Variants in CAB39L observed in about 807,000 individuals in gnomAD.
CAB39L encodes the protein calcium binding protein 39 like.
A neutral mutation model predicts 39.1 loss-of-function variants in CAB39L; 23 were observed. The ratio of observed to expected loss-of-function variants is 0.59; its 90% CI spans 0.42 to 0.83. CAB39L has a LOEUF of 0.83. CAB39L is among the 40% of genes least tolerant of loss of function. The pLI, the probability that CAB39L is intolerant of heterozygous loss-of-function variation, is 0.00. For missense variants in CAB39L, 366 were observed against 391.9 expected, an observed-to-expected ratio of 0.93 and a Z score of 0.56; for synonymous variants, 126 against 137.2, an observed-to-expected ratio of 0.92 and a Z score of 0.57.
At position 49,382,897 on chromosome 13, in the gene CAB39L, G is replaced by C; in HGVS notation, c.14C>G (p.Pro5Arg). 6.2e-7 allele frequency: 1 copy of C among 1,604,866 alleles called. No individual in the cohort carries two copies. Among genetic ancestry groups the C allele is most frequent in the Admixed American group, 1.7e-5 (1 of 59,212 alleles). Reference sequence around the variant, plus strand: ...ATTTTTGTGTGATTTACTAAACAAAGGCATTTTTTTCATGTGTAGAAATCT... The same window carrying C: ...ATTTTTGTGTGATTTACTAAACAAACGCATTTTTTTCATGTGTAGAAATCT... MKKMPLFSKSHKNPA... is the reference protein window; with the variant it reads MKKMRLFSKSHKNPA... Residue 5 changes from proline to arginine, a missense_variant, in exon 4 of 11, where the codon CCT becomes CGT. Transcript: ENST00000409308.
At chr13:49,365,920 A>G (rs1955758011) in intron 5 of CAB39L, among the ~76,000 whole-genome samples, 1 of 152,244 alleles carries the variant, frequency 6.6e-6, no homozygotes, top group African/African-American at 2.4e-5. Context: ...AGATGAGAAA[A>G]TGCGGATAAA....
chr13:49,392,698 T>C (rs1264202465), intron 3 of CAB39L, among the ~76,000 whole-genome samples: 1 of 150,524 alleles, frequency 6.6e-6, no homozygotes, highest in Non-Finnish European at 1.5e-5. Flanking sequence ...GGGAAAGAGA[T>C]AAAAGATAGC....
In CAB39L at chr13:49,377,061, G is replaced by A. The variant is rs2138566620; in HGVS notation, c.182C>T (p.Pro61Leu). ...EILCGTNEKE[P>L]PTEAVAQLAQ... ...TAGCTGAGCCACTGCTTCTGTTGGG[G>A]GTTCTTTCTCGTTTGTACCACACAG... is the stretch of plus-strand genomic sequence containing the variant. Residue 61 changes from proline to leucine, a missense_variant, in exon 5 of 11, where the codon CCC becomes CTC. Physicochemically the swap from Pro to Leu is moderately conservative, Grantham distance 98 (BLOSUM62 -3). Transcript: ENST00000409308. 1.2e-6 allele frequency: 2 copies of A among 1,613,366 alleles called. No individual in the cohort carries two copies. The highest frequency in any genetic ancestry group is 4.5e-5 in the East Asian group (2 of 44,886).
At chr13:49,313,239 T>C (rs1954046903) in intron 10 of CAB39L, among the ~76,000 whole-genome samples, 1 of 152,086 alleles carries the variant, frequency 6.6e-6, no homozygotes, top group Non-Finnish European at 1.5e-5. Flanking sequence ...CCTAGTACTT[T>C]GGGAGGCCGA....
intron 5 of CAB39L, among the ~76,000 whole-genome samples, chr13:49,366,659 TC>T (rs1266125446): frequency 2.9e-5 from 4 of 135,774 alleles, no homozygotes; most frequent in African/African-American, 8.3e-5. Context: ...ACCCATGCTC[TC>T]CAAACACCCT....
intron 4 of CAB39L, among the ~76,000 whole-genome samples, chr13:49,380,852 G>A (rs1228988419): frequency 1.3e-5 from 2 of 152,122 alleles, no homozygotes; most frequent in Admixed American, 6.5e-5. Context: ...ATAACTCATG[G>A]TAGCATGATG....
At chr13:49,356,428 C>T (rs1955485707) in intron 6 of CAB39L, among the ~76,000 whole-genome samples, 1 of 152,082 alleles carries the variant, frequency 6.6e-6, no homozygotes, top group Admixed American at 6.6e-5. Flanking sequence ...ATGTCATTTG[C>T]CTGAGCCAGA....
At chr13:49,313,187 AT>A (rs1404460960) in intron 10 of CAB39L, among the ~76,000 whole-genome samples, 1 of 152,156 alleles carries the variant, frequency 6.6e-6, no homozygotes, top group Non-Finnish European at 1.5e-5. Flanking sequence ...AGCTTTAAAA[AT>A]TACAACTGCT....
In CAB39L at chr13:49,315,332, C is replaced by T. The variant is rs545673539; in HGVS notation, c.835-4339G>A. Among the ~76,000 whole-genome samples, 8 of 152,120 alleles carry T rather than the reference C, an allele frequency of 5.3e-5. No individual in the cohort carries two copies. In the South Asian group the frequency reaches 1.5e-3, roughly 28 times the overall value. On this transcript the variant is annotated intron_variant, in intron 10 of 10. Coordinates refer to ENST00000409308, the MANE Select transcript of CAB39L (RefSeq NM_001079670.3). ...CTCAGCCAGGCCAGGGGACCCATAA[C>T]AGAGAAGGAAAAGGGTTTCCTAAGC...
chr13:49,329,610 A>G (rs1954629704), intron 10 of CAB39L, among the ~76,000 whole-genome samples: 1 of 140,908 alleles, frequency 7.1e-6, no homozygotes, highest in Non-Finnish European at 1.5e-5. Context: ...GATGTAATAA[A>G]TATCTGGTGG....
chr13:49,359,960 AC>A (rs1470096588), intron 5 of CAB39L, 128 bp from the exon 6 acceptor site: 1 of 567,014 alleles, frequency 1.8e-6, no homozygotes, highest in Admixed American at 3.3e-5. Context: ...ATGCAAAAAA[AC>A]GTTAACTTAC....
intron 5 of CAB39L, among the ~76,000 whole-genome samples, chr13:49,367,958 A>C (rs1345285629): frequency 6.6e-6 from 1 of 152,154 alleles, no homozygotes; most frequent in East Asian, 1.9e-4. Context: ...GAATTACATA[A>C]ATTTTATTTA....
At chr13:49,325,109 T>C (rs977052531) in intron 10 of CAB39L, among the ~76,000 whole-genome samples, 1 of 152,232 alleles carries the variant, frequency 6.6e-6, no homozygotes, top group Non-Finnish European at 1.5e-5. Context: ...AAATACCCAT[T>C]GCAAACCTTT....
rs1594115524 is a variant in CAB39L at position 49,443,980 on chromosome 13, A to G, written c.-246+6T>C. The G allele has an allele frequency of 4.4e-6, 2 of 456,396 alleles. No homozygotes were observed. Among genetic ancestry groups the G allele is most frequent in the Non-Finnish European group, 4.4e-6 (1 of 226,918 alleles). The allele number at this position is 456,396 out of a possible 1,614,324, so 28.3% of individuals were successfully genotyped here. A position where few individuals can be genotyped will look rare whatever the true frequency, so the allele number is the denominator to read the frequency against. ...GCCACACACAAGATGGCAGCCTCAC[A>G]CCTACCGGAGGAAACAGCTGCGCCA... is the stretch of plus-strand genomic sequence containing the variant. On this transcript the variant is annotated splice_donor_region_variant and intron_variant, in intron 1 of 10. Transcript: ENST00000409308.
At chr13:49,402,099 T>C (rs17480924) in intron 3 of CAB39L, among the ~76,000 whole-genome samples, 19,001 of 152,176 alleles carry the variant, frequency 0.12, 1,433 homozygotes, top group Middle Eastern at 0.19. Flanking sequence ...AAAAGAGCAG[T>C]TTAATCATGT....
rs1221730480 is a variant in CAB39L, at chr13:49,344,253, A to G, written c.565-15T>C. On this transcript the variant is annotated splice_polypyrimidine_tract_variant and intron_variant, in intron 7 of 10. Coordinates refer to ENST00000409308, the MANE Select transcript of CAB39L (RefSeq NM_001079670.3). ...GTTAGTAAATCCTAGAAAAAGAAAAACCAAGTGAAACAAAACTGTTATAGC... is the reference window on the plus strand; with the variant it reads ...GTTAGTAAATCCTAGAAAAAGAAAAGCCAAGTGAAACAAAACTGTTATAGC... 6.6e-7 allele frequency: 1 copy of G among 1,504,888 alleles called. No homozygotes were observed. Among genetic ancestry groups the G allele is most frequent in the African/African-American group, 1.4e-5 (1 of 72,568 alleles). 93.2% of individuals were successfully genotyped at this position (1,504,888 alleles called of 1,614,324 possible).
intron 3 of CAB39L, among the ~76,000 whole-genome samples, chr13:49,431,620 T>C (rs537534036): frequency 7.4e-4 from 113 of 152,028 alleles, no homozygotes; most frequent in African/African-American, 2.3e-3. Flanking sequence ...GGCAGGAGAA[T>C]TGCTTGAACC....
In CAB39L at chr13:49,334,176, C is replaced by T. The variant is rs147707456; in HGVS notation, c.691-2086G>A. Among the ~76,000 whole-genome samples, 217 of 152,310 alleles carry T rather than the reference C, an allele frequency of 1.4e-3. 4 individuals carry two copies. The highest frequency in any genetic ancestry group is 9.7e-3 in the South Asian group (47 of 4,826). ...TCACTACCTTTCAGCTGACCTACTA[C>T]CACAGCATGCAAAATGGTCTCTCCT... On this transcript the variant is annotated intron_variant, in intron 9 of 10. Coordinates refer to ENST00000409308, the MANE Select transcript of CAB39L (RefSeq NM_001079670.3).
intron 3 of CAB39L, among the ~76,000 whole-genome samples, chr13:49,391,554 CTT>C (rs1566112396): frequency 6.6e-6 from 1 of 152,018 alleles, no homozygotes; most frequent in Non-Finnish European, 1.5e-5. Context: ...CTTTTATAGA[CTT>C]TGTTCAAGGA....
Sources: gnomAD v4.1 joint callset for allele counts (sites outside exome capture counted in the v4.1 genomes callset) on GRCh38, gnomAD v4.1.1 for gene constraint, MANE v1.5 for transcripts, NCBI Gene and HGNC (gene_info 2026-07-23, HGNC 2026-07-21) for gene names.